The following DPP6 variants were observed in gnomAD, a reference collection of about 807,000 sequenced individuals.
DPP6 encodes A-type potassium channel modulatory protein DPP6.
Under a neutral mutation model 122.6 loss-of-function variants are expected in DPP6, and 69 were observed. The observed-to-expected ratio is 0.56, with a 90% confidence interval of 0.46 to 0.69. The LOEUF (loss-of-function observed/expected upper bound fraction) is 0.69. Among genes scored for constraint, DPP6 ranks in the 30% least tolerant of loss-of-function variants. The pLI, the probability that DPP6 is intolerant of heterozygous loss-of-function variation, is 0.00. For missense variants in DPP6, 928 were observed against 1,116.9 expected, an observed-to-expected ratio of 0.83 and a Z score of 2.41; for synonymous variants, 418 against 433.1, an observed-to-expected ratio of 0.97 and a Z score of 0.43.
chr7:153,954,982 G>A (rs992069970), intron 1 of DPP6, among the ~76,000 whole-genome samples: 65 of 152,198 alleles, frequency 4.3e-4, no homozygotes, highest in Non-Finnish European at 1.9e-4. Context: ...CAAGGTGTCA[G>A]AAGTGATGGT....
At chr7:154,777,823 C>T (rs778056157) in intron 10 of DPP6, among the ~76,000 whole-genome samples, 21 of 152,086 alleles carry the variant, frequency 1.4e-4, no homozygotes, top group Non-Finnish European at 2.2e-4. Context: ...TGCACCTGTG[C>T]GCAGCTGTGG....
intron 1 of DPP6, among the ~76,000 whole-genome samples, chr7:154,182,422 G>A (rs1396986973): frequency 6.6e-6 from 1 of 152,122 alleles, no homozygotes; most frequent in African/African-American, 2.4e-5. Context: ...AGAGGAAAGA[G>A]AGCTCTGGAA....
chr7:154,284,497 A>G (rs4726400), intron 1 of DPP6, among the ~76,000 whole-genome samples: 9,065 of 152,286 alleles, frequency 0.06, 318 homozygotes, highest in Admixed American at 0.1. Flanking sequence ...ACAATGGAAT[A>G]TTATTCAGCC....
intron 7 of DPP6, among the ~76,000 whole-genome samples, chr7:154,717,401 C>T (rs188877743): frequency 3.3e-5 from 5 of 152,130 alleles, no homozygotes; most frequent in East Asian, 1.9e-4. Context: ...CACACACACA[C>T]GCACCCTTCC....
At chr7:154,586,223 C>A (rs1230811297) in intron 5 of DPP6, among the ~76,000 whole-genome samples, 8 of 152,058 alleles carry the variant, frequency 5.3e-5, no homozygotes, top group African/African-American at 1.9e-4. Context: ...CACAGTGATT[C>A]ATGCCCATAA....
intron 4 of DPP6, among the ~76,000 whole-genome samples, chr7:154,555,533 G>C (rs4380845): frequency 0.71 from 107,731 of 151,764 alleles, 38,353 homozygotes; most frequent in Admixed American, 0.73. Flanking sequence ...GAGTTAATGG[G>C]TGCAGCACAC....
At chr7:153,874,190 CAAGA>C in the DPP6 span, among the ~76,000 whole-genome samples, 1 of 151,330 alleles carries the variant, frequency 6.6e-6, no homozygotes, top group Admixed American at 6.6e-5. Context: ...CAAAAATTAC[CAAGA>C]AAGAACAAAA....
chr7:154,412,421 C>T (rs970685129), intron 1 of DPP6, among the ~76,000 whole-genome samples: 7 of 152,058 alleles, frequency 4.6e-5, no homozygotes, highest in East Asian at 1.9e-4. Flanking sequence ...TCTGAATGCA[C>T]GCACTCTTTT....
chr7:154,397,476 A>G (rs1448420932), intron 1 of DPP6, among the ~76,000 whole-genome samples: 2 of 152,204 alleles, frequency 1.3e-5, no homozygotes, highest in Non-Finnish European at 2.9e-5. Flanking sequence ...TATTTCCCCA[A>G]ATGCAATGTC....
intron 1 of DPP6, among the ~76,000 whole-genome samples, chr7:154,284,447 A>G (rs1804719584): frequency 6.6e-6 from 1 of 152,270 alleles, no homozygotes; most frequent in African/African-American, 2.4e-5. Context: ...CCAAGTGTCT[A>G]TCAACTGATG....
At chr7:154,575,063 T>C (rs1831463745) in intron 5 of DPP6, among the ~76,000 whole-genome samples, 1 of 101,758 alleles carries the variant, frequency 9.8e-6, no homozygotes, top group South Asian at 5.4e-4. Context: ...GTGGTGTGTT[T>C]GGTGTGTTGT....
chr7:154,574,378 A>ATGTGGTGTGTGTATGTG (rs1385436472), intron 5 of DPP6, among the ~76,000 whole-genome samples: 1 of 90,576 alleles, frequency 1.1e-5, no homozygotes, highest in East Asian at 3.7e-4. Context: ...ATGTGTGTGT[A>ATGTGGTGTGTGTATGTG]TGTGGTGTGT....
intron 7 of DPP6, among the ~76,000 whole-genome samples, chr7:154,703,618 C>CAA (rs56393329): frequency 1.8e-4 from 21 of 117,424 alleles, no homozygotes; most frequent in African/African-American, 6.3e-4. Flanking sequence ...CACTCTGTCT[C>CAA]AAAAAAAAAA....
intron 1 of DPP6, among the ~76,000 whole-genome samples, chr7:154,366,073 C>G (rs544685431): frequency 6.8e-4 from 104 of 152,232 alleles, no homozygotes; most frequent in African/African-American, 2.3e-3. Context: ...TCTTGCAGCA[C>G]CTGGGGTGCT....
At chr7:154,231,833 A>T (rs781399234) in intron 1 of DPP6, among the ~76,000 whole-genome samples, 1 of 152,198 alleles carries the variant, frequency 6.6e-6, no homozygotes, top group Non-Finnish European at 1.5e-5. Flanking sequence ...AAAGGTTGTC[A>T]GCAGTGTATT....
intron 1 of DPP6, among the ~76,000 whole-genome samples, chr7:153,988,017 C>T (rs1053127431): frequency 1.5e-4 from 23 of 152,084 alleles, no homozygotes; most frequent in Non-Finnish European, 2.9e-5. Context: ...GGACCTGAAC[C>T]CTGGAAGCCA....
intron 1 of DPP6, among the ~76,000 whole-genome samples, chr7:153,998,966 T>A (rs1173902232): frequency 6.6e-6 from 1 of 152,248 alleles, no homozygotes; most frequent in South Asian, 2.1e-4. Flanking sequence ...GCTGGCAGCC[T>A]GAGAGCCAAA....
At chr7:153,950,641 A>G (rs1802167042) in intron 1 of DPP6, among the ~76,000 whole-genome samples, 1 of 152,190 alleles carries the variant, frequency 6.6e-6, no homozygotes, top group African/African-American at 2.4e-5. Context: ...GTGGACTCAG[A>G]TGGACTGTAG....
At chr7:154,631,669 GAAA>G (rs61353112) in intron 5 of DPP6, among the ~76,000 whole-genome samples, 2 of 141,184 alleles carry the variant, frequency 1.4e-5, no homozygotes, top group South Asian at 2.3e-4. Flanking sequence ...TCTGTCTCAA[GAAA>G]AAAAAAAAAA....
Sources: gnomAD v4.1 joint callset for allele counts (sites outside exome capture counted in the v4.1 genomes callset) on GRCh38, gnomAD v4.1.1 for gene constraint, MANE v1.5 for transcripts, NCBI Gene and HGNC (gene_info 2026-07-23, HGNC 2026-07-21) for gene names.